The following P4HA3 variants were observed in gnomAD, a reference collection of about 807,000 sequenced individuals.
The protein encoded by P4HA3 is prolyl 4-hydroxylase subunit alpha 3.
P4HA3 carries 60 observed loss-of-function variants against 66.7 expected under a neutral mutation model. That is an observed-to-expected ratio of 0.90 (90% CI 0.73 to 1.12). The LOEUF is 1.12. P4HA3 is among the 50% of genes most tolerant of loss of function. P4HA3 has a pLI of 0.00. For missense variants in P4HA3, 683 were observed against 685.8 expected, an observed-to-expected ratio of 1.00 and a Z score of 0.05; for synonymous variants, 263 against 274.6, an observed-to-expected ratio of 0.96 and a Z score of 0.42.
At chr11:74,269,749 T>A (rs1434268348) in intron 10 of P4HA3, 29 bp from the exon 11 acceptor site, 4 of 1,610,550 alleles carry the variant, frequency 2.5e-6, no homozygotes, top group Non-Finnish European at 1.7e-6. Context: ...AAGCCAGAGT[T>A]AAAACTGCCA....
At chr11:74,257,644 T>C (rs1312989626) in intron 15 of P4HA3, among the ~76,000 whole-genome samples, 5 of 152,072 alleles carry the variant, frequency 3.3e-5, no homozygotes, top group African/African-American at 1.2e-4. Flanking sequence ...ATAAGGAGTT[T>C]CCAGAAGTTA....
At chr11:74,278,585 G>A (rs745472334) in intron 8 of P4HA3, among the ~76,000 whole-genome samples, 1 of 152,162 alleles carries the variant, frequency 6.6e-6, no homozygotes, top group Non-Finnish European at 1.5e-5. Context: ...AATACCACCT[G>A]CTCCCCTGGA....
intron 4 of P4HA3, among the ~76,000 whole-genome samples, chr11:74,293,642 G>C (rs1231961865): frequency 6.6e-6 from 1 of 152,106 alleles, no homozygotes; most frequent in Non-Finnish European, 1.5e-5. Context: ...GGCAGGCCTG[G>C]TGGTGACAAA....
intron 10 of P4HA3, among the ~76,000 whole-genome samples, chr11:74,270,984 T>C (rs957439623): frequency 6.6e-6 from 1 of 152,254 alleles, no homozygotes; most frequent in Admixed American, 6.5e-5. Context: ...TTCTTATACA[T>C]TTTGCTAAAT....
chr11:74,251,150 C>T (rs1359675374), intron 15 of P4HA3: 29 of 1,484,338 alleles, frequency 2.0e-5, no homozygotes, highest in Non-Finnish European at 2.5e-5. Flanking sequence ...GATGCAGTTC[C>T]ACCAGCTCTC....
intron 4 of P4HA3, among the ~76,000 whole-genome samples, chr11:74,289,404 C>G (rs555779529): frequency 6.6e-6 from 1 of 152,022 alleles, no homozygotes; most frequent in East Asian, 1.9e-4. Flanking sequence ...TTAAAGTGCC[C>G]TCAAATCTTT....
intron 15 of P4HA3, among the ~76,000 whole-genome samples, chr11:74,259,335 T>C (rs1312895839): frequency 1.3e-5 from 2 of 152,120 alleles, no homozygotes; most frequent in African/African-American, 2.4e-5. Context: ...GTGGAGATCA[T>C]GCATGCCACT....
intron 15 of P4HA3, chr11:74,251,037 G>T (rs1859645310): frequency 6.3e-7 from 1 of 1,579,206 alleles, no homozygotes; most frequent in East Asian, 2.3e-5. Context: ...GGTGCTCAGT[G>T]ACTGTAAAAG....
At chr11:74,308,276 C>G (rs1591142635) in intron 1 of P4HA3, among the ~76,000 whole-genome samples, 2 of 152,110 alleles carry the variant, frequency 1.3e-5, no homozygotes, top group African/African-American at 4.8e-5. Context: ...ACTTTGGGAG[C>G]CCGAGGAGGG....
chr11:74,277,169 A>T (rs773265919), intron 8 of P4HA3, 25 bp from the exon 9 acceptor site: 1 of 1,592,490 alleles, frequency 6.3e-7, no homozygotes, highest in South Asian at 1.1e-5. Flanking sequence ...AGATTGAAGC[A>T]TCAATGATCT....
At chr11:74,287,718 T>C (rs1169470065) in intron 5 of P4HA3, among the ~76,000 whole-genome samples, 1 of 152,220 alleles carries the variant, frequency 6.6e-6, no homozygotes, top group Non-Finnish European at 1.5e-5. Flanking sequence ...ATAGTGATTT[T>C]GTATCTCATT....
chr11:74,269,691 T>C lies in P4HA3; in HGVS notation c.1428A>G (p.Thr476=). The change falls in exon 11 of 13, where the codon ACA becomes ACG. Residue 476 remains threonine, a synonymous_variant. Coordinates refer to ENST00000331597, the MANE Select transcript of P4HA3 (RefSeq NM_182904.5). ...CGCTGAGGTTGGCATAGATGAAGGCTGTGGCTCCTCCAGCTTCCACCGAGC... is the reference window on the plus strand; with the variant it reads ...CGCTGAGGTTGGCATAGATGAAGGCCGTGGCTCCTCCAGCTTCCACCGAGC... ...YLSSVEAGGA[T]AFIYANLSVP... 6.2e-7 allele frequency: 1 copy of C among 1,614,018 alleles called. No individual in the cohort carries two copies. The highest frequency in any genetic ancestry group is 8.5e-7 in the Non-Finnish European group (1 of 1,179,914).
At chr11:74,292,534 T>G (rs1414373638) in intron 4 of P4HA3, among the ~76,000 whole-genome samples, 1 of 152,224 alleles carries the variant, frequency 6.6e-6, no homozygotes, top group Non-Finnish European at 1.5e-5. Context: ...TTAATTGTGA[T>G]GTTAGGGTGT....
intron 2 of P4HA3, among the ~76,000 whole-genome samples, chr11:74,303,435 C>A (rs115286719): frequency 6.6e-6 from 1 of 151,280 alleles, no homozygotes; most frequent in Admixed American, 6.6e-5. Flanking sequence ...TACAGGCATG[C>A]GCCACCATGC....
chr11:74,300,953 A>G (rs546263473), intron 3 of P4HA3, among the ~76,000 whole-genome samples: 1 of 152,338 alleles, frequency 6.6e-6, no homozygotes, highest in Non-Finnish European at 1.5e-5. Context: ...GAAATAAACT[A>G]CTAACAAATG....
At chr11:74,268,588 G>A (rs539998261) in intron 11 of P4HA3, among the ~76,000 whole-genome samples, 1 of 152,306 alleles carries the variant, frequency 6.6e-6, no homozygotes, top group African/African-American at 2.4e-5. Flanking sequence ...GGTCACTGAG[G>A]AGAAACACCG....
At chr11:74,282,230 T>C (rs902736757) in intron 7 of P4HA3, among the ~76,000 whole-genome samples, 5 of 152,166 alleles carry the variant, frequency 3.3e-5, no homozygotes, top group Admixed American at 2.0e-4. Flanking sequence ...ATTGTCTACC[T>C]ACCAGTCACT....
chr11:74,285,810 C>A lies in P4HA3; in HGVS notation c.1109G>T (p.Trp370Leu), dbSNP rs776699204. The A allele has an allele frequency of 9.9e-6, 16 of 1,613,420 alleles. No individual in the cohort carries two copies. The highest frequency in any genetic ancestry group is 1.4e-5 in the Non-Finnish European group (16 of 1,179,710). Reference protein sequence around the residue: ...AQKIRELAEPWLQRSVVASGE... With the variant: ...AQKIRELAEPLLQRSVVASGE... ...TTGGCGGGTTCTCAGGACACTCACC[C>A]ATGGTTCTGCAAGTTCTCTAATTTT... Residue 370 changes from tryptophan to leucine, a missense_variant and splice_region_variant, in exon 7 of 13, where the codon TGG becomes TTG. Coordinates refer to ENST00000331597, the MANE Select transcript of P4HA3 (RefSeq NM_182904.5).
intron 3 of P4HA3, among the ~76,000 whole-genome samples, chr11:74,300,853 A>T (rs1353978726): frequency 6.6e-6 from 1 of 152,196 alleles, no homozygotes; most frequent in African/African-American, 2.4e-5. Flanking sequence ...AGTAGCCCAA[A>T]CTAGAAGCAA....
Sources: allele counts gnomAD v4.1 joint callset (sites outside exome capture counted in the v4.1 genomes callset), GRCh38; gene constraint gnomAD v4.1.1; transcripts MANE v1.5; gene names NCBI Gene and HGNC (gene_info 2026-07-23, HGNC 2026-07-21).